Variants in MYOM2 observed in about 807,000 individuals in gnomAD.
MYOM2 encodes myomesin-2.
In MYOM2, 254 loss-of-function variants were observed where a neutral mutation model predicts 187.6. The observed-to-expected ratio is 1.35, with a 90% CI of 1.22 to 1.50. The LOEUF is 1.50. MYOM2 is among the 40% of genes most tolerant of loss of function. The pLI, the probability that MYOM2 is intolerant of heterozygous loss-of-function variation, is 0.00. For synonymous variants in MYOM2, 981 were observed against 753.8 expected, an observed-to-expected ratio of 1.30 and a Z score of -4.94; for missense variants, 2,796 against 1,924.0, an observed-to-expected ratio of 1.45 and a Z score of -8.48.
chr8:2,072,057 T>C (rs1460793222), intron 8 of MYOM2, among the ~76,000 whole-genome samples: 1 of 152,090 alleles, frequency 6.6e-6, no homozygotes, highest in Non-Finnish European at 1.5e-5. Context: ...TGGCTACGGG[T>C]GTTCCATGCT....
intron 28 of MYOM2, among the ~76,000 whole-genome samples, chr8:2,121,477 A>G (rs184932446): frequency 3.3e-5 from 5 of 152,294 alleles, no homozygotes; most frequent in East Asian, 3.9e-4. Flanking sequence ...AAACACAGAT[A>G]TTGGGAAAAC....
chr8:2,084,747 C>T (rs1380523009), intron 13 of MYOM2, among the ~76,000 whole-genome samples: 5 of 152,182 alleles, frequency 3.3e-5, no homozygotes, highest in Admixed American at 6.5e-5. Context: ...GAATATGGTA[C>T]TGAGCTTTTG....
intron 32 of MYOM2, 25 bp from the exon 33 acceptor site, chr8:2,140,698 A>G: frequency 2.5e-6 from 4 of 1,611,960 alleles, no homozygotes; most frequent in Admixed American, 1.7e-5. Flanking sequence ...CCTAACTCAG[A>G]TACGTTCCTG....
intron 25 of MYOM2, among the ~76,000 whole-genome samples, chr8:2,111,490 A>T (rs796540478): frequency 4.6e-5 from 7 of 152,350 alleles, no homozygotes; most frequent in African/African-American, 1.7e-4. Flanking sequence ...GTAAGTTCCT[A>T]TCATTCATTC....
intron 6 of MYOM2, among the ~76,000 whole-genome samples, chr8:2,066,031 T>C (rs1456365678): frequency 6.6e-6 from 1 of 152,186 alleles, no homozygotes; most frequent in Non-Finnish European, 1.5e-5. Context: ...GCCCTGTCCA[T>C]GTAGCCCACA....
chr8:2,055,649 T>C (rs887212057), intron 3 of MYOM2, among the ~76,000 whole-genome samples: 2 of 152,202 alleles, frequency 1.3e-5, no homozygotes, highest in African/African-American at 2.4e-5. Flanking sequence ...GCAATTCTGA[T>C]TGCGAACTTC....
intron 25 of MYOM2, among the ~76,000 whole-genome samples, chr8:2,110,393 A>G (rs1391745821): frequency 1.3e-5 from 2 of 152,216 alleles, no homozygotes; most frequent in African/African-American, 4.8e-5. Context: ...TTTCGATTGT[A>G]TAAAATGAAC....
chr8:2,123,391 A>G (rs773467965), intron 29 of MYOM2, 26 bp downstream of exon 29: 1 of 1,530,832 alleles, frequency 6.5e-7, no homozygotes, highest in South Asian at 1.2e-5. Context: ...TAACACAAGA[A>G]AGCAAAACAA....
At chr8:2,122,734 T>C (rs954639192) in intron 28 of MYOM2, among the ~76,000 whole-genome samples, 1 of 152,230 alleles carries the variant, frequency 6.6e-6, no homozygotes, top group Non-Finnish European at 1.5e-5. Context: ...GCTTAGTTTC[T>C]AGCCAGCGAT....
chr8:2,076,321 G>T lies in MYOM2; in HGVS notation c.1262+39G>T, dbSNP rs149498670. 529 of 1,603,346 alleles carry T rather than the reference G, an allele frequency of 3.3e-4. 1 individual carries two copies. In the African/African-American group the frequency reaches 6.2e-3, roughly 19 times the overall value. ...ATTCTCCCGGGGATGGGAACGTTCC[G>T]CATGGAATCTTACCATGGACAATAT... On this transcript the variant is annotated intron_variant, in intron 11 of 36. Coordinates refer to ENST00000262113, the MANE Select transcript of MYOM2 (RefSeq NM_003970.4).
At chr8:2,099,095 G>A (rs749465645) in intron 19 of MYOM2, 112 bp downstream of exon 19, 137 of 1,361,824 alleles carry the variant, frequency 1.0e-4, no homozygotes, top group Non-Finnish European at 1.3e-4. Flanking sequence ...CTGTTCCTCC[G>A]ACACCCGCAG....
At chr8:2,104,288 A>C (rs78023122) in intron 21 of MYOM2, among the ~76,000 whole-genome samples, 2,089 of 152,294 alleles carry the variant, frequency 0.014, 56 homozygotes, top group African/African-American at 0.047. Flanking sequence ...CAGAACACCG[A>C]GGCTGGGTAA....
chr8:2,143,946 A>G (rs1161718358), intron 36 of MYOM2, among the ~76,000 whole-genome samples: 4 of 152,216 alleles, frequency 2.6e-5, no homozygotes. Context: ...GAAGCCACTT[A>G]TTGGAGTTTA....
chr8:2,074,718 A>G (rs1819356721), intron 10 of MYOM2, among the ~76,000 whole-genome samples: 1 of 152,020 alleles, frequency 6.6e-6, no homozygotes, highest in African/African-American at 2.4e-5. Flanking sequence ...TCGGCCTCCC[A>G]AGTGTTGGGA....
Position 2,123,587 on chromosome 8 carries a change from A to C in MYOM2, c.3600A>C (p.Ala1200=). The C allele has an allele frequency of 6.2e-7, 1 of 1,614,230 alleles. No homozygotes were observed. The highest frequency in any genetic ancestry group is 8.5e-7 in the Non-Finnish European group (1 of 1,180,024). The change falls in exon 30 of 37, where the codon GCA becomes GCC. Residue 1200 remains alanine (A), a synonymous_variant. Coordinates refer to ENST00000262113, the MANE Select transcript of MYOM2 (RefSeq NM_003970.4). ...LSKKDHGEYK[A]TLKDDRGQDV... ...AGAAGGACCACGGTGAATACAAGGC[A>C]ACCTTGAAAGATGACAGAGGCCAAG...
intron 2 of MYOM2, among the ~76,000 whole-genome samples, chr8:2,051,917 G>A (rs957591706): frequency 6.6e-6 from 1 of 152,240 alleles, no homozygotes; most frequent in Non-Finnish European, 1.5e-5. Flanking sequence ...TTGCATTTAT[G>A]CATTTATTTG....
chr8:2,133,030 G>T (rs977614850), intron 32 of MYOM2, among the ~76,000 whole-genome samples: 1 of 152,184 alleles, frequency 6.6e-6, no homozygotes, highest in African/African-American at 2.4e-5. Flanking sequence ...TGTGTGTTGT[G>T]CCTTGCGGTC....
chr8:2,080,680 G>T (rs922855142), intron 13 of MYOM2, among the ~76,000 whole-genome samples: 14 of 152,202 alleles, frequency 9.2e-5, no homozygotes, highest in African/African-American at 3.4e-4. Flanking sequence ...TCTGTCTCAT[G>T]CATGATAAAC....
rs764744307 is a variant in MYOM2 at position 2,098,924 on chromosome 8, G to T, written c.2381G>T (p.Gly794Val). ...GCCGCCGTCAACCTGGCCGGCATCG[G>T]GGAGCCCTCAGATCCCAGTGAGCAC... ...KIAAVNLAGI[G>V]EPSDPSEHFK... The change falls in exon 19 of 37, where the codon GGG (glycine) becomes GTG (valine). Residue 794 changes from glycine (G) to valine (V), a missense_variant. Physicochemically the swap from Gly to Val is moderately radical, Grantham distance 109. Transcript: ENST00000262113. The T allele has an allele frequency of 2.5e-6, 4 of 1,613,450 alleles. No homozygotes were observed. In the East Asian group the frequency reaches 8.9e-5, roughly 36 times the overall value.
Sources: allele counts gnomAD v4.1 joint callset (sites outside exome capture counted in the v4.1 genomes callset), GRCh38; gene constraint gnomAD v4.1.1; transcripts MANE v1.5; gene names NCBI Gene and HGNC (gene_info 2026-07-23, HGNC 2026-07-21).